The following RUNX1 variants were observed in gnomAD, a reference collection of about 807,000 sequenced individuals.
RUNX1 encodes the protein runt-related transcription factor 1.
RUNX1 carries 19 observed loss-of-function variants against 42.8 expected under a neutral mutation model. The ratio of observed to expected loss-of-function variants is 0.44; its 90% CI spans 0.31 to 0.65. The LOEUF (loss-of-function observed/expected upper bound fraction) is 0.65. RUNX1 is among the 30% of genes least tolerant of loss of function. The pLI is 0.07. For synonymous variants in RUNX1, 271 were observed against 289.4 expected (o/e 0.94, Z 0.64); for missense variants, 528 against 672.0 (o/e 0.79, Z 2.37).
Position 34,845,985 on chromosome 21 carries a change from G to A in RUNX1, c.614-11384C>T, listed in dbSNP as rs1021681313. Among the ~76,000 whole-genome samples, 25 of 152,220 alleles carry A rather than the reference G, an allele frequency of 1.6e-4. 1 individual carries two copies. The highest frequency in any genetic ancestry group is 5.1e-4 in the African/African-American group (21 of 41,526). ...CTAGATTATGAAGATAGGTAGGGCA[G>A]GTAATGCAGAATAGCCCATAATACT... On this transcript the variant is annotated intron_variant, in intron 6 of 8. Transcript: ENST00000675419.
At chr21:34,881,090 T>C (rs1262713262) in intron 4 of RUNX1, among the ~76,000 whole-genome samples, 1 of 152,170 alleles carries the variant, frequency 6.6e-6, no homozygotes, top group African/African-American at 2.4e-5. Context: ...AGACTAACCA[T>C]AGCAAGATAT....
chr21:34,909,136 G>A (rs949751056), intron 2 of RUNX1, among the ~76,000 whole-genome samples: 1 of 152,062 alleles, frequency 6.6e-6, no homozygotes, highest in African/African-American at 2.4e-5. Context: ...CTAATTTCGG[G>A]GTCTGATCCG....
intron 2 of RUNX1, among the ~76,000 whole-genome samples, chr21:35,040,562 G>A (rs564390573): frequency 2.4e-4 from 37 of 151,598 alleles, no homozygotes; most frequent in African/African-American, 8.7e-4. Context: ...TCACGAGGTC[G>A]GGAGATCGAA....
chr21:34,861,085 G>A (rs959626689), intron 5 of RUNX1, among the ~76,000 whole-genome samples: 2 of 152,202 alleles, frequency 1.3e-5, no homozygotes, highest in Admixed American at 6.5e-5. Flanking sequence ...GGGATGCCAG[G>A]AGACTCTGCC....
Position 34,834,609 on chromosome 21 carries a change from G to T in RUNX1, c.614-8C>A. 1 of 1,609,716 alleles carries T rather than the reference G, an allele frequency of 6.2e-7. No individual in the cohort carries two copies. Among genetic ancestry groups the T allele is most frequent in the East Asian group, 2.2e-5 (1 of 44,816 alleles). On this transcript the variant is annotated splice_region_variant and splice_polypyrimidine_tract_variant and intron_variant, in intron 6 of 8. Coordinates refer to ENST00000675419, the MANE Select transcript of RUNX1 (RefSeq NM_001754.5). The stretch of plus-strand genomic sequence containing the variant: ...CTAGTTTCTGCCGATGTCCTATTGT[G>T]GGGAGCAGGGAGGGGAGGGGATGGG...
intron 6 of RUNX1, among the ~76,000 whole-genome samples, chr21:34,846,617 A>G (rs927747693): frequency 1.3e-5 from 2 of 152,088 alleles, no homozygotes; most frequent in Admixed American, 1.3e-4. Context: ...GCAGGGCCAG[A>G]CATAGACTCC....
rs187947391 is a variant in RUNX1 at position 34,998,708 on chromosome 21, A to C, written c.58+50134T>G. ...AGGCACCCGCCACCATGCCTGGCTA[A>C]TTTTTTGTATTTTTAGTAGAGATGG... On this transcript the variant is annotated intron_variant, in intron 2 of 8. Transcript: ENST00000675419. 8.4e-4 allele frequency among the ~76,000 whole-genome samples: 127 copies of C among 151,856 alleles called. 1 individual carries two copies. The highest frequency in any genetic ancestry group is 2.9e-3 in the African/African-American group (121 of 41,424).
intron 2 of RUNX1, among the ~76,000 whole-genome samples, chr21:35,048,294 G>A (rs1433314243): frequency 6.6e-6 from 1 of 152,230 alleles, no homozygotes; most frequent in Non-Finnish European, 1.5e-5. Context: ...CTGCCTTATA[G>A]AGACAGCTGC....
Position 34,843,755 on chromosome 21 carries a change from TTGCCACGAGCAG to T in RUNX1, c.614-9166_614-9155del, listed in dbSNP as rs2057277467. ...CTCTGCTCCCTGAGTCCAGGGCTCA[TTGCCACGAGCAG>T]TGGAGTTTTTCGCCCACTCACATGA... On this transcript the variant is annotated intron_variant, in intron 6 of 8. Transcript: ENST00000675419. The surrounding 1 kb of genome is among the most constrained non-coding windows in gnomAD (Gnocchi z 4.8). Among the ~76,000 whole-genome samples the T allele has an allele frequency of 1.3e-5, 2 of 151,170 alleles. No individual in the cohort carries two copies. The highest frequency in any genetic ancestry group is 6.6e-5 in the Admixed American group (1 of 15,140).
intron 2 of RUNX1, among the ~76,000 whole-genome samples, chr21:35,021,026 G>A (rs1298073223): frequency 6.6e-6 from 1 of 152,130 alleles, no homozygotes; most frequent in African/African-American, 2.4e-5. Flanking sequence ...ACAATAACAT[G>A]TTTAGCTTTA....
In RUNX1 at chr21:34,812,064, GCAA is replaced by G. The variant is rs199718799; in HGVS notation, c.806-12605_806-12603del. 4.7e-3 allele frequency among the ~76,000 whole-genome samples: 716 copies of G among 151,388 alleles called. 2 individuals are homozygous for G. Among genetic ancestry groups the G allele is most frequent in the African/African-American group, 0.016 (670 of 41,252 alleles). On this transcript the variant is annotated intron_variant, in intron 7 of 8. Coordinates refer to ENST00000675419, the MANE Select transcript of RUNX1 (RefSeq NM_001754.5). The stretch of plus-strand genomic sequence containing the variant: ...AAATTTCTTAAATATTTGCCACCAA[GCAA>G]CAGAGTGAATAAGAGGCTAAAATGT...
chr21:35,036,109 C>A (rs2059305797), intron 2 of RUNX1, among the ~76,000 whole-genome samples: 1 of 152,054 alleles, frequency 6.6e-6, no homozygotes, highest in Non-Finnish European at 1.5e-5. Context: ...GGCCACCGAG[C>A]CCTGGCGTGT....
intron 3 of RUNX1, chr21:34,887,417 T>A (rs2058014472): frequency 7.3e-7 from 1 of 1,368,854 alleles, no homozygotes; most frequent in Non-Finnish European, 9.4e-7. Context: ...TTGCAGAGGT[T>A]AAGTTCTGTC....
rs1270071400 is a variant in RUNX1 at position 34,849,305 on chromosome 21, A to T, written c.613+10169T>A. Among the ~76,000 whole-genome samples the T allele has an allele frequency of 6.3e-5, 3 of 47,882 alleles. No individual in the cohort carries two copies. In the South Asian group the frequency reaches 1.8e-3, roughly 28 times the overall value. The allele number at this position is 47,882 out of a possible 152,430, so 31.4% of individuals were successfully genotyped here. On this transcript the variant is annotated intron_variant, in intron 6 of 8. Coordinates refer to ENST00000675419, the MANE Select transcript of RUNX1 (RefSeq NM_001754.5). The stretch of plus-strand genomic sequence containing the variant: ...ATATATATTATATATAAAATATATA[A>T]TATATATTATATATATATTATATAT...
chr21:34,867,552 C>T (rs751484418), intron 5 of RUNX1, among the ~76,000 whole-genome samples: 74 of 152,184 alleles, frequency 4.9e-4, no homozygotes, highest in Admixed American at 1.3e-4. Context: ...GTATGCTGGG[C>T]TCAACTGCAG....
rs981595365 is a variant in RUNX1, at chr21:34,907,034, G to A, written c.59-14071C>T. ...TAGTGAGTGTACAATGCAAATAGGT[G>A]TTTTGATATTGTCATTAGTATTCAT... On this transcript the variant is annotated intron_variant, in intron 2 of 8. Coordinates refer to ENST00000675419, the MANE Select transcript of RUNX1 (RefSeq NM_001754.5). This position sits in a 1 kb window ranked among gnomAD's most constrained non-coding sequence, Gnocchi z 5.3. Among the ~76,000 whole-genome samples the A allele has an allele frequency of 6.6e-6, 1 of 152,186 alleles. No homozygotes were observed. The highest frequency in any genetic ancestry group is 1.5e-5 in the Non-Finnish European group (1 of 68,030).
intron 2 of RUNX1, among the ~76,000 whole-genome samples, chr21:34,924,773 T>G (rs1402928304): frequency 3.3e-5 from 5 of 152,200 alleles, no homozygotes. Flanking sequence ...CTGGGTGGCT[T>G]AAACTACAAA....
In RUNX1 at chr21:34,790,761, C is replaced by T. The variant is rs982077504; in HGVS notation, c.*1374G>A. On this transcript the variant is annotated 3_prime_UTR_variant, in exon 9 of 9. Coordinates refer to ENST00000675419, the MANE Select transcript of RUNX1 (RefSeq NM_001754.5). ...TTGTCTCCACTGAGGCACACAGAGG[C>T]AAATTGACTCCTCGAGGCCTGCTTC... 6 of 233,176 alleles carry T rather than the reference C, an allele frequency of 2.6e-5. No individual in the cohort carries two copies. The highest frequency in any genetic ancestry group is 5.1e-5 in the Non-Finnish European group (6 of 118,066). 14.4% of individuals were successfully genotyped at this position (233,176 alleles called of 1,614,324 possible). A position where few individuals can be genotyped will look rare whatever the true frequency, so the allele number is the denominator to read the frequency against.
chr21:35,048,789 A>T, intron 2 of RUNX1, 53 bp downstream of exon 2: 1 of 1,490,528 alleles, frequency 6.7e-7, no homozygotes, highest in South Asian at 1.1e-5. Context: ...CTGCCATTTC[A>T]TTACAGGCAA....
Sources: allele counts gnomAD v4.1 joint callset (sites outside exome capture counted in the v4.1 genomes callset), GRCh38; gene constraint gnomAD v4.1.1; non-coding constraint Gnocchi (gnomAD v3.1); transcripts MANE v1.5; gene names NCBI Gene and HGNC (gene_info 2026-07-23, HGNC 2026-07-21).